PRKCZ: variants seen among roughly 807,000 people sequenced by gnomAD.
The protein encoded by PRKCZ is protein kinase C zeta, also known as protein kinase C zeta type.
Under a neutral mutation model 79.5 loss-of-function variants are expected in PRKCZ, and 33 were observed. The observed-to-expected ratio is 0.41, with a 90% CI of 0.31 to 0.55. The LOEUF is 0.55. Ranked by LOEUF, PRKCZ falls within the 20% of genes least tolerant of loss-of-function variation. The pLI is 0.19. For synonymous variants in PRKCZ, 342 were observed against 320.9 expected, an observed-to-expected ratio of 1.07 and a Z score of -0.70; for missense variants, 578 against 813.5, an observed-to-expected ratio of 0.71 and a Z score of 3.52.
intron 10 of PRKCZ, among the ~76,000 whole-genome samples, chr1:2,166,938 G>C (rs3128307): frequency 0.094 from 14,350 of 152,290 alleles, 727 homozygotes; most frequent in Middle Eastern, 0.12. Context: ...CCACCAGCGT[G>C]AGGAGAGGAG....
Position 2,125,991 on chromosome 1 carries a change from G to A in PRKCZ, c.335-9271G>A, listed in dbSNP as rs1004909919. Among the ~76,000 whole-genome samples, 2 of 152,190 alleles carry A rather than the reference G, an allele frequency of 1.3e-5. No homozygotes were observed. The highest frequency in any genetic ancestry group is 2.9e-5 in the Non-Finnish European group (2 of 68,030). ...CAGCTGAATTCCCGCAGGTGGGAATGCCAGGGCCCGAGGATGTTGCCCCTG... is the reference window on the plus strand; with the variant it reads ...CAGCTGAATTCCCGCAGGTGGGAATACCAGGGCCCGAGGATGTTGCCCCTG... On this transcript the variant is annotated intron_variant, in intron 4 of 17. Coordinates refer to ENST00000378567, the MANE Select transcript of PRKCZ (RefSeq NM_002744.6). The surrounding 1 kb of genome is among the most constrained non-coding windows in gnomAD (Gnocchi z 4.2).
intron 4 of PRKCZ, among the ~76,000 whole-genome samples, chr1:2,080,410 G>T: frequency 7.3e-6 from 1 of 137,872 alleles, no homozygotes. Context: ...GGGCCGGAGG[G>T]TGTGGTGCAG....
rs189189240 is a variant in PRKCZ at position 2,169,640 on chromosome 1, C to T, written c.1061+36C>T. ...GTGGACGGGGCCGGGTGGGTGCGCC[C>T]GGAGTTGGGGATGGGTGGGTGCGTG... On this transcript the variant is annotated intron_variant, in intron 11 of 17. Transcript: ENST00000378567. The T allele has an allele frequency of 1.5e-4, 155 of 1,007,286 alleles. No individual in the cohort carries two copies. In the African/African-American group the frequency reaches 2.7e-3, roughly 18 times the overall value. 62.4% of individuals were successfully genotyped at this position (1,007,286 alleles called of 1,614,324 possible).
At chr1:2,058,733 T>C (rs1015321058) in intron 3 of PRKCZ, among the ~76,000 whole-genome samples, 11 of 150,798 alleles carry the variant, frequency 7.3e-5, no homozygotes, top group Admixed American at 2.0e-4. Context: ...CCATCTCTAC[T>C]ATAAATACAA....
Position 2,117,011 on chromosome 1 carries a change from A to T in PRKCZ, c.335-18251A>T, listed in dbSNP as rs371440439. On this transcript the variant is annotated intron_variant, in intron 4 of 17. Transcript: ENST00000378567. ...CTTGCCCAGGCTGGAGTGCAGTGGCATGATCATGGCTCACTGCAGCCTTGA... is the reference window on the plus strand; with the variant it reads ...CTTGCCCAGGCTGGAGTGCAGTGGCTTGATCATGGCTCACTGCAGCCTTGA... Among the ~76,000 whole-genome samples the T allele has an allele frequency of 2.0e-4, 30 of 152,036 alleles. No homozygotes were observed. The East Asian group carries it at 5.4e-3, about 28-fold the overall frequency.
chr1:2,155,751 G>C (rs1680905189), intron 9 of PRKCZ, among the ~76,000 whole-genome samples: 1 of 149,974 alleles, frequency 6.7e-6, no homozygotes, highest in African/African-American at 2.5e-5. Context: ...AGGGTGTATG[G>C]TGACAGTGGT....
intron 4 of PRKCZ, among the ~76,000 whole-genome samples, chr1:2,086,474 C>T (rs1294739896): frequency 6.6e-6 from 1 of 152,172 alleles, no homozygotes; most frequent in South Asian, 2.1e-4. Flanking sequence ...TGGCAGGGGC[C>T]TTGGCGAGCG....
rs754868471 is a variant in PRKCZ at position 2,172,225 on chromosome 1, G to T, written c.1197+35G>T. The T allele has an allele frequency of 3.1e-6, 5 of 1,613,448 alleles. No individual in the cohort carries two copies. In the East Asian group the frequency reaches 1.1e-4, roughly 36 times the overall value. On this transcript the variant is annotated intron_variant, in intron 12 of 17. Coordinates refer to ENST00000378567, the MANE Select transcript of PRKCZ (RefSeq NM_002744.6). This position sits in a 1 kb window ranked among gnomAD's most constrained non-coding sequence, Gnocchi z 7.8. ...TTGGACCGCCTCCCCTGACCATCCCGCATGTGCGTCTCGGGGCGCCTGTCC... is the reference window on the plus strand; with the variant it reads ...TTGGACCGCCTCCCCTGACCATCCCTCATGTGCGTCTCGGGGCGCCTGTCC...
chr1:2,100,251 C>T lies in PRKCZ; in HGVS notation c.335-35011C>T, dbSNP rs1667213612. On this transcript the variant is annotated intron_variant, in intron 4 of 17. Transcript: ENST00000378567. ...TTGCTAAAATTATTTCAAAATCTGC[C>T]TTGTGGAAAAACGCCCACGTCAGGG... is the stretch of plus-strand genomic sequence containing the variant. 3.3e-5 allele frequency among the ~76,000 whole-genome samples: 5 copies of T among 152,340 alleles called. No homozygotes were observed. In the South Asian group the frequency reaches 1.0e-3, roughly 32 times the overall value.
At chr1:2,054,374 G>T (rs1221440584) in intron 1 of PRKCZ, among the ~76,000 whole-genome samples, 1 of 152,108 alleles carries the variant, frequency 6.6e-6, no homozygotes, top group Non-Finnish European at 1.5e-5. Context: ...CCCTGTGGTG[G>T]TCCCTCCCCT....
chr1:2,104,605 C>T lies in PRKCZ; in HGVS notation c.335-30657C>T, dbSNP rs576196387. ...ACAATCCCAGGTGGCAGGGGATGGC[C>T]GCGATGAGGCCCTGGGGTGGAGCCC... On this transcript the variant is annotated intron_variant, in intron 4 of 17. Coordinates refer to ENST00000378567, the MANE Select transcript of PRKCZ (RefSeq NM_002744.6). The T allele has an allele frequency of 4.7e-5, 41 of 869,432 alleles. No homozygotes were observed. In the South Asian group the frequency reaches 6.8e-4, roughly 14 times the overall value. The allele number at this position is 869,432 out of a possible 1,614,324, so 53.9% of individuals were successfully genotyped here.
In PRKCZ at chr1:2,050,503, C is replaced by A; in HGVS notation, c.-128C>A. On this transcript the variant is annotated 5_prime_UTR_variant, in exon 1 of 18. Coordinates refer to ENST00000378567, the MANE Select transcript of PRKCZ (RefSeq NM_002744.6). The stretch of plus-strand genomic sequence containing the variant: ...CGCCGCCGGAGTTCCGCGGAGTTGA[C>A]CGGGTCGGCGCCGTCGGTCCTGAGC... The A allele has an allele frequency of 2.1e-6, 1 of 470,994 alleles. No homozygotes were observed. The allele number at this position is 470,994 out of a possible 1,614,324, so 29.2% of individuals were successfully genotyped here.
chr1:2,103,414 G>A (rs2102611855), intron 4 of PRKCZ, among the ~76,000 whole-genome samples: 1 of 152,380 alleles, frequency 6.6e-6, no homozygotes, highest in African/African-American at 2.4e-5. Context: ...GTGGGGGATG[G>A]TTCATCAGCA....
At chr1:2,100,354 G>C (rs1667230843) in intron 4 of PRKCZ, among the ~76,000 whole-genome samples, 2 of 152,248 alleles carry the variant, frequency 1.3e-5, no homozygotes, top group South Asian at 4.1e-4. Context: ...CAAGCTGCCA[G>C]CCAGACCTCT....
rs1275420894 is a variant in PRKCZ, at chr1:2,135,323, C to T, written c.396C>T (p.Leu132=). 1 of 1,613,256 alleles carries T rather than the reference C, an allele frequency of 6.2e-7. No individual in the cohort carries two copies. The highest frequency in any genetic ancestry group is 1.7e-5 in the Admixed American group (1 of 59,996). ...WRKLYRANGH[L]FQAKRFNRRA... Reference sequence around the variant, plus strand: ...AGCTGTACCGTGCCAACGGCCACCTCTTCCAAGCCAAGCGCTTTAACAGGG... The same window carrying T: ...AGCTGTACCGTGCCAACGGCCACCTTTTCCAAGCCAAGCGCTTTAACAGGG... Residue 132 remains leucine, a synonymous_variant, in exon 5 of 18, where the codon CTC becomes CTT. Coordinates refer to ENST00000378567, the MANE Select transcript of PRKCZ (RefSeq NM_002744.6).
At chr1:2,096,783 G>A (rs1372111526) in intron 4 of PRKCZ, among the ~76,000 whole-genome samples, 1 of 152,168 alleles carries the variant, frequency 6.6e-6, no homozygotes. Flanking sequence ...CCGAGGTCAG[G>A]GGCAGCCAAG....
chr1:2,130,141 A>G (rs1674677147), intron 4 of PRKCZ, among the ~76,000 whole-genome samples: 1 of 152,150 alleles, frequency 6.6e-6, no homozygotes, highest in Non-Finnish European at 1.5e-5. Context: ...CCTGGGCTCA[A>G]GTGATCCACC....
intron 6 of PRKCZ, chr1:2,145,161 G>T (rs1003714110): frequency 6.6e-6 from 1 of 152,288 alleles, no homozygotes; most frequent in South Asian, 2.1e-4. Flanking sequence ...TCCTTCCAGA[G>T]GTCCTTCAGC....
At chr1:2,085,843 C>G (rs1664425072) in intron 4 of PRKCZ, among the ~76,000 whole-genome samples, 1 of 152,190 alleles carries the variant, frequency 6.6e-6, no homozygotes. Context: ...TCCCCTCTCA[C>G]AGGCAGGTCT....
Sources: gnomAD v4.1 joint callset for allele counts (sites outside exome capture counted in the v4.1 genomes callset) on GRCh38, gnomAD v4.1.1 for gene constraint, Gnocchi (gnomAD v3.1) non-coding constraint, MANE v1.5 for transcripts, NCBI Gene and HGNC (gene_info 2026-07-23, HGNC 2026-07-21) for gene names.